The following GCH1 variants were observed in gnomAD, a reference collection of about 807,000 sequenced individuals.
GCH1 encodes the protein GTP cyclohydrolase 1.
A neutral mutation model predicts 25.9 loss-of-function variants in GCH1; 5 were observed. The observed-to-expected ratio is 0.19, with a 90% CI of 0.10 to 0.41. The LOEUF is 0.41. Ranked by LOEUF, GCH1 falls within the 10% of genes least tolerant of loss-of-function variation. The probability of loss-of-function intolerance (pLI) is 1.00; values close to 1 mark genes in which losing one functional copy is unlikely to be tolerated. For synonymous variants in GCH1, 159 were observed against 129.6 expected (o/e 1.23, Z -1.54); for missense variants, 261 against 336.5 (o/e 0.78, Z 1.75).
At chr14:54,866,062 G>A (rs376844728) in intron 1 of GCH1, among the ~76,000 whole-genome samples, 4 of 151,604 alleles carry the variant, frequency 2.6e-5, no homozygotes, top group African/African-American at 9.7e-5. Context: ...GATAAGCAGT[G>A]TCTTGTTTAA....
At chr14:54,887,783 T>C (rs912587063) in intron 1 of GCH1, among the ~76,000 whole-genome samples, 1 of 152,224 alleles carries the variant, frequency 6.6e-6, no homozygotes, top group Non-Finnish European at 1.5e-5. Flanking sequence ...TACGCCAATA[T>C]GGCAGAATGT....
At chr14:54,869,432 T>A in intron 1 of GCH1, among the ~76,000 whole-genome samples, 1 of 152,166 alleles carries the variant, frequency 6.6e-6, no homozygotes. Flanking sequence ...GAAAACTCTC[T>A]CTACTATCTT....
chr14:54,874,606 C>G (rs553749442), intron 1 of GCH1, among the ~76,000 whole-genome samples: 1 of 152,282 alleles, frequency 6.6e-6, no homozygotes, highest in South Asian at 2.1e-4. Flanking sequence ...ATTGTCTCAG[C>G]TCAAAATCTC....
chr14:54,870,652 A>C (rs2040059266), intron 1 of GCH1, among the ~76,000 whole-genome samples: 1 of 152,190 alleles, frequency 6.6e-6, no homozygotes, highest in African/African-American at 2.4e-5. Context: ...TCCCACCCTA[A>C]TACTGCACTT....
At chr14:54,860,751 G>T (rs557793224) in intron 2 of GCH1, among the ~76,000 whole-genome samples, 13 of 152,212 alleles carry the variant, frequency 8.5e-5, no homozygotes, top group African/African-American at 2.9e-4. Flanking sequence ...GTGTTAGCCA[G>T]GATGGTTTCG....
intron 3 of GCH1, among the ~76,000 whole-genome samples, chr14:54,855,325 T>C (rs1472269786): frequency 6.6e-6 from 1 of 151,540 alleles, no homozygotes; most frequent in African/African-American, 2.4e-5. Flanking sequence ...TGCCAACATG[T>C]TGAAACCCCA....
chr14:54,880,520 TATATATATATATACTCC>T (rs1566676860), intron 1 of GCH1, among the ~76,000 whole-genome samples: 2 of 32,182 alleles, frequency 6.2e-5, no homozygotes, highest in East Asian at 1.1e-3. Flanking sequence ...ATATACTCCA[TATATATATATATACTCC>T]ATATATATAT....
chr14:54,865,097 T>G (rs528595928), intron 2 of GCH1, among the ~76,000 whole-genome samples: 46 of 152,128 alleles, frequency 3.0e-4, no homozygotes, highest in Non-Finnish European at 5.4e-4. Flanking sequence ...TTTTAACCTA[T>G]GAACCTGGTA....
intron 1 of GCH1, among the ~76,000 whole-genome samples, chr14:54,871,706 G>A (rs1430963567): frequency 6.6e-6 from 1 of 152,220 alleles, no homozygotes; most frequent in African/African-American, 2.4e-5. Context: ...GAATGCACAA[G>A]CCTCAGTAGC....
At chr14:54,882,918 G>T (rs1050163260) in intron 1 of GCH1, among the ~76,000 whole-genome samples, 1 of 152,202 alleles carries the variant, frequency 6.6e-6, no homozygotes, top group African/African-American at 2.4e-5. Context: ...TCAACAGGGA[G>T]TTTTGGAAAA....
At chr14:54,898,619 T>A (rs553920870) in intron 1 of GCH1, among the ~76,000 whole-genome samples, 13 of 152,326 alleles carry the variant, frequency 8.5e-5, no homozygotes, top group African/African-American at 2.2e-4. Context: ...TTTTTATTTT[T>A]ATTTATTTAT....
intron 5 of GCH1, 58 bp downstream of exon 5, chr14:54,845,710 T>C (rs994725630): frequency 3.3e-5 from 30 of 912,010 alleles, no homozygotes; most frequent in Non-Finnish European, 5.6e-5. Context: ...AAGCACTAAA[T>C]AGCAAGATCA....
intron 1 of GCH1, among the ~76,000 whole-genome samples, chr14:54,876,368 G>A (rs1454704377): frequency 3.3e-5 from 5 of 152,058 alleles, no homozygotes; most frequent in South Asian, 2.1e-4. Context: ...GGGAGGGATA[G>A]CATTAGGAGA....
chr14:54,848,906 C>T (rs1283641610), intron 3 of GCH1, among the ~76,000 whole-genome samples: 1 of 152,156 alleles, frequency 6.6e-6, no homozygotes, highest in Non-Finnish European at 1.5e-5. Context: ...GTATATATTA[C>T]TTCTGATAGT....
At chr14:54,888,898 T>A (rs1476449362) in intron 1 of GCH1, among the ~76,000 whole-genome samples, 1 of 152,246 alleles carries the variant, frequency 6.6e-6, no homozygotes, top group Admixed American at 6.5e-5. Context: ...ATGCTAAATA[T>A]GAAGCTGAAA....
intron 1 of GCH1, among the ~76,000 whole-genome samples, chr14:54,867,303 C>T (rs1490171856): frequency 6.6e-6 from 1 of 152,174 alleles, no homozygotes; most frequent in South Asian, 2.1e-4. Flanking sequence ...AGAGCTGGCT[C>T]CAGGCTGGGT....
intron 3 of GCH1, among the ~76,000 whole-genome samples, chr14:54,849,794 C>A (rs10133941): frequency 6.6e-6 from 1 of 151,948 alleles, no homozygotes; most frequent in Non-Finnish European, 1.5e-5. Flanking sequence ...CCTGTCTTTG[C>A]GCTGCATTCA....
chr14:54,891,661 C>T (rs1165552798), intron 1 of GCH1, among the ~76,000 whole-genome samples: 3 of 151,960 alleles, frequency 2.0e-5, no homozygotes, highest in African/African-American at 7.3e-5. Flanking sequence ...TGACCTGCCT[C>T]GGCCACCCAA....
intron 2 of GCH1, among the ~76,000 whole-genome samples, chr14:54,862,377 CTCTTTTTTTTTTTTT>C (rs1371821468): frequency 3.5e-4 from 41 of 115,818 alleles, no homozygotes; most frequent in African/African-American, 1.4e-3. Flanking sequence ...TGAAGCACTA[CTCTTTTTTTTTTTTT>C]TTTTTTTTTT....
Sources: allele counts gnomAD v4.1 joint callset (sites outside exome capture counted in the v4.1 genomes callset), GRCh38; gene constraint gnomAD v4.1.1; transcripts MANE v1.5; gene names NCBI Gene and HGNC (gene_info 2026-07-23, HGNC 2026-07-21).